The following PSAP variants were observed in gnomAD, a reference collection of about 807,000 sequenced individuals.
The protein encoded by PSAP is prosaposin.
In PSAP, 25 loss-of-function variants were observed where a neutral mutation model predicts 66.0. The ratio of observed to expected loss-of-function variants is 0.38; its 90% CI spans 0.28 to 0.53. The LOEUF (loss-of-function observed/expected upper bound fraction) is 0.53, where lower values mean the gene tolerates loss of function less well. Ranked by LOEUF, PSAP falls within the 20% of genes least tolerant of loss-of-function variation. The pLI is 0.83. For missense variants in PSAP, 649 were observed against 668.8 expected (o/e 0.97, Z 0.33); for synonymous variants, 273 against 258.9 (o/e 1.05, Z -0.52).
Position 71,817,453 on chromosome 10 carries a change from ATG to A in PSAP, c.1561_1562del (p.His521CysfsTer28). The A allele has an allele frequency of 1.9e-6, 3 of 1,614,192 alleles. No individual in the cohort carries two copies. The highest frequency in any genetic ancestry group is 2.5e-6 in the Non-Finnish European group (3 of 1,180,016). On this transcript the variant is annotated frameshift_variant, in exon 14 of 14. Transcript: ENST00000394936. LOFTEE classifies it high-confidence loss of function. ...AATATTCCTCCTCCTAGTTCCACAC[ATG>A]GCGTTTGCAATGCTCGACAGCCTGG... ...QCNAVEHCKR[H>X]VWN
intron 13 of PSAP, among the ~76,000 whole-genome samples, chr10:71,817,983 C>T (rs1420284594): frequency 1.3e-5 from 2 of 152,228 alleles, no homozygotes; most frequent in Admixed American, 1.3e-4. Context: ...GCCCCCTGCC[C>T]CTCCCTGCAG....
chr10:71,850,119 T>C (rs1842899958), intron 1 of PSAP, among the ~76,000 whole-genome samples: 2 of 152,206 alleles, frequency 1.3e-5, no homozygotes, highest in Non-Finnish European at 2.9e-5. Context: ...GAAATTGCCC[T>C]GCAAAGTCTC....
intron 2 of PSAP, 125 bp from the exon 3 acceptor site, chr10:71,832,045 G>A: frequency 1.1e-6 from 1 of 949,562 alleles, no homozygotes. Context: ...CCGCGCTCCT[G>A]TCACATCCTG....
intron 6 of PSAP, 60 bp from the exon 7 acceptor site, chr10:71,825,953 C>G: frequency 7.0e-7 from 1 of 1,421,664 alleles, no homozygotes; most frequent in Non-Finnish European, 9.9e-7. Context: ...AAAACCCAAC[C>G]AACAAAAACC....
At chr10:71,847,496 C>T (rs1043170970) in intron 1 of PSAP, among the ~76,000 whole-genome samples, 8 of 151,944 alleles carry the variant, frequency 5.3e-5, no homozygotes, top group African/African-American at 1.9e-4. Context: ...GGCAGTGAGC[C>T]GAGATCGCGC....
chr10:71,817,795 C>T lies in PSAP; in HGVS notation c.1540-319G>A, dbSNP rs73279706. On this transcript the variant is annotated intron_variant, in intron 13 of 13. Coordinates refer to ENST00000394936, the MANE Select transcript of PSAP (RefSeq NM_002778.4). ...CACCCAGCGTCCTGCTAGCAGCCTG[C>T]ACACTAACTCCCAGGCAGAACCTCC... Among the ~76,000 whole-genome samples, 2,998 of 152,338 alleles carry T rather than the reference C, an allele frequency of 0.02. 95 individuals carry two copies. The highest frequency in any genetic ancestry group is 0.068 in the African/African-American group (2,809 of 41,558).
At chr10:71,817,930 G>A (rs762356265) in intron 13 of PSAP, among the ~76,000 whole-genome samples, 5 of 152,246 alleles carry the variant, frequency 3.3e-5, no homozygotes, top group African/African-American at 7.2e-5. Flanking sequence ...GAGATGGGCT[G>A]GAGCCTAGCT....
intron 1 of PSAP, 36 bp downstream of exon 1, chr10:71,851,146 G>A: frequency 2.6e-6 from 4 of 1,549,662 alleles, no homozygotes; most frequent in Non-Finnish European, 3.5e-6. Context: ...ACGCTGCGAG[G>A]CACCTCCTCC....
At chr10:71,821,702 G>A (rs1842303018) in intron 8 of PSAP, among the ~76,000 whole-genome samples, 174 bp downstream of exon 8, 1 of 152,164 alleles carries the variant, frequency 6.6e-6, no homozygotes, top group Admixed American at 6.5e-5. Context: ...ACTCAGGGTC[G>A]GGGGCTGCAT....
intron 12 of PSAP, 130 bp downstream of exon 12, chr10:71,818,901 T>C: frequency 9.3e-7 from 1 of 1,073,170 alleles, no homozygotes; most frequent in Non-Finnish European, 1.4e-6. Context: ...GCTCCCTACC[T>C]TCTTGGCTCT....
At chr10:71,819,141 G>C (rs761435138) in intron 11 of PSAP, 30 bp from the exon 12 acceptor site, 1 of 1,588,868 alleles carries the variant, frequency 6.3e-7, no homozygotes, top group Non-Finnish European at 8.6e-7. Flanking sequence ...CACAGGTCCA[G>C]CTCTGGGGGT....
intron 1 of PSAP, among the ~76,000 whole-genome samples, chr10:71,846,074 T>C (rs4237331): frequency 0.087 from 13,257 of 152,254 alleles, 783 homozygotes; most frequent in African/African-American, 0.16. Flanking sequence ...TACATTACTT[T>C]TATTAGTGGT....
intron 6 of PSAP, 87 bp from the exon 7 acceptor site, chr10:71,825,980 A>G: frequency 8.9e-7 from 1 of 1,122,178 alleles, no homozygotes; most frequent in Non-Finnish European, 1.4e-6. Context: ...CATTTCCAAC[A>G]GTGTCAACTG....
chr10:71,848,054 G>A (rs1178750242), intron 1 of PSAP, among the ~76,000 whole-genome samples: 1 of 152,174 alleles, frequency 6.6e-6, no homozygotes, highest in Admixed American at 6.5e-5. Context: ...CCTAGCTGAT[G>A]AACACGCTCC....
At chr10:71,818,279 A>G (rs1208785191) in intron 13 of PSAP, among the ~76,000 whole-genome samples, 1 of 152,196 alleles carries the variant, frequency 6.6e-6, no homozygotes, top group Non-Finnish European at 1.5e-5. Context: ...AGCTCTGGGC[A>G]ATGAATCCCA....
At chr10:71,831,363 G>T in intron 3 of PSAP, 112 bp from the exon 4 acceptor site, 2 of 1,410,756 alleles carry the variant, frequency 1.4e-6, no homozygotes, top group Non-Finnish European at 9.7e-7. Context: ...CTGGAAAACA[G>T]CCAGCCCTCA....
intron 1 of PSAP, among the ~76,000 whole-genome samples, chr10:71,846,951 T>C (rs993439171): frequency 5.3e-5 from 8 of 152,140 alleles, no homozygotes; most frequent in African/African-American, 1.9e-4. Flanking sequence ...GGCTTTGGTC[T>C]TGGCCTTGAG....
chr10:71,823,845 G>A, intron 7 of PSAP: 2 of 1,266,600 alleles, frequency 1.6e-6, no homozygotes, highest in South Asian at 1.3e-5. Flanking sequence ...GTAACTAGAG[G>A]AAGCAGCAGA....
At chr10:71,838,554 C>A (rs1188683795) in intron 1 of PSAP, among the ~76,000 whole-genome samples, 1 of 152,210 alleles carries the variant, frequency 6.6e-6, no homozygotes, top group Admixed American at 6.5e-5. Context: ...ACCACAGCTC[C>A]AGGTAAAGAA....
Sources: gnomAD v4.1 joint callset for allele counts (sites outside exome capture counted in the v4.1 genomes callset) on GRCh38, gnomAD v4.1.1 for gene constraint, MANE v1.5 for transcripts, NCBI Gene and HGNC (gene_info 2026-07-23, HGNC 2026-07-21) for gene names.